Variants in LRRC57 observed in about 807,000 individuals in gnomAD.
LRRC57 encodes the protein leucine-rich repeat-containing protein 57.
LRRC57 carries 14 observed loss-of-function variants against 23.1 expected under a neutral mutation model. The ratio of observed to expected loss-of-function variants is 0.61; its 90% CI spans 0.40 to 0.95. The LOEUF (loss-of-function observed/expected upper bound fraction) is 0.95, where lower values mean the gene tolerates loss of function less well. LRRC57 is among the 40% of genes least tolerant of loss of function. LRRC57 has a pLI of 0.00. For missense variants in LRRC57, 236 were observed against 284.4 expected (o/e 0.83, Z 1.22); for synonymous variants, 106 against 115.2 (o/e 0.92, Z 0.51).
At chr15:42,544,841 A>AATATATATATATATATATATAT (rs767685010) in intron 5 of LRRC57, among the ~76,000 whole-genome samples, 1 of 106,602 alleles carries the variant, frequency 9.4e-6, no homozygotes, top group African/African-American at 5.1e-5. Flanking sequence ...ACACACACAC[A>AATATATATATATATATATATAT]CTATATATAT....
rs1359182028 is a variant in LRRC57, at chr15:42,543,295, G to T, written c.*788C>A. 1 of 151,842 alleles carries T rather than the reference G, an allele frequency of 6.6e-6. No individual in the cohort carries two copies. The highest frequency in any genetic ancestry group is 2.4e-5 in the African/African-American group (1 of 41,268). The allele number at this position is 151,842 out of a possible 1,614,324, so 9.4% of individuals were successfully genotyped here. ...GCTCACTGCAACCTCCACCTCCTGG[G>T]TTCAAGCGATTCTCCTGCCTCAGCC... On this transcript the variant is annotated 3_prime_UTR_variant, in exon 6 of 6. Transcript: ENST00000397130.
rs2057666128 is a variant in LRRC57, at chr15:42,547,538, G to T, written c.224-9C>A. 6.3e-7 allele frequency: 1 copy of T among 1,591,802 alleles called. No individual in the cohort carries two copies. Among genetic ancestry groups the T allele is most frequent in the African/African-American group, 1.4e-5 (1 of 73,716 alleles). The stretch of plus-strand genomic sequence containing the variant: ...CTCATCAGGCAGAACAGCTGGCAAA[G>T]AAAAATTTTTTTAAAACCTGAATGT... On this transcript the variant is annotated splice_polypyrimidine_tract_variant and intron_variant, in intron 3 of 5. Coordinates refer to ENST00000397130, the MANE Select transcript of LRRC57 (RefSeq NM_153260.3).
At chr15:42,531,329 T>C in the LRRC57 span, 1 of 808,176 alleles carries the variant, frequency 1.2e-6, no homozygotes, top group Non-Finnish European at 1.8e-6. Flanking sequence ...ATTTTCTTGG[T>C]GTGTCAGTTA....
chr15:42,528,484 T>A, the LRRC57 span: 1 of 1,505,038 alleles, frequency 6.6e-7, no homozygotes, highest in East Asian at 2.3e-5. Flanking sequence ...AGGAGATGAG[T>A]TTAGCAGTAC....
the LRRC57 span, chr15:42,531,521 T>G: frequency 2.1e-6 from 3 of 1,462,068 alleles, no homozygotes; most frequent in Admixed American, 5.5e-5. Flanking sequence ...CTTCCGTAGC[T>G]CCTCCTTGAA....
In LRRC57 at chr15:42,547,340, A is replaced by G; in HGVS notation, c.413T>C (p.Leu138Pro). The G allele has an allele frequency of 6.2e-7, 1 of 1,614,222 alleles. No individual in the cohort carries two copies. Among genetic ancestry groups the G allele is most frequent in the Non-Finnish European group, 8.5e-7 (1 of 1,180,050 alleles). The stretch of plus-strand genomic sequence containing the variant: ...TATACTTCGAATCTGGTTCTTAGAG[A>G]GATCCATCACATCCAGGTGCCGTAG... ...CSLRHLDVMD[L>P]SKNQIRSIPD... Residue 138 changes from leucine to proline, a missense_variant, in exon 4 of 6, where the codon CTC becomes CCC. Coordinates refer to ENST00000397130, the MANE Select transcript of LRRC57 (RefSeq NM_153260.3).
intron 5 of LRRC57, among the ~76,000 whole-genome samples, chr15:42,544,838 C>CTAT (rs1484623621): frequency 7.3e-5 from 8 of 109,282 alleles, no homozygotes; most frequent in South Asian, 4.7e-4. Flanking sequence ...CACACACACA[C>CTAT]ACACTATATA....
At chr15:42,528,622 G>A in the LRRC57 span, among the ~76,000 whole-genome samples, 2 of 152,264 alleles carry the variant, frequency 1.3e-5, no homozygotes, top group Admixed American at 1.3e-4. Context: ...GTCTTGCTGT[G>A]TTGCCCAGGC....
At position 42,542,607 on chromosome 15, in the gene LRRC57, AT is replaced by A. The variant is rs2057636026; in HGVS notation, c.*1475del. The A allele has an allele frequency of 6.6e-6, 1 of 152,608 alleles. No individual in the cohort carries two copies. Among genetic ancestry groups the A allele is most frequent in the South Asian group, 2.1e-4 (1 of 4,828 alleles). The allele number at this position is 152,608 out of a possible 1,614,324, so 9.5% of individuals were successfully genotyped here. On this transcript the variant is annotated 3_prime_UTR_variant, in exon 6 of 6. Coordinates refer to ENST00000397130, the MANE Select transcript of LRRC57 (RefSeq NM_153260.3). ...TAGGTTGTTTTAAAATATTATAGTA[AT>A]GGTTTATTGATAGGTAATTTGGTTA...
downstream of LRRC57, among the ~76,000 whole-genome samples, chr15:42,537,307 A>G (rs752901262): frequency 4.0e-5 from 6 of 150,120 alleles, no homozygotes; most frequent in Non-Finnish European, 5.9e-5. Flanking sequence ...AAATCTCAAC[A>G]CTGCTAATCA....
chr15:42,528,865 C>T, the LRRC57 span, among the ~76,000 whole-genome samples: 1 of 152,210 alleles, frequency 6.6e-6, no homozygotes. Flanking sequence ...GGATTACAGG[C>T]ATAAGCTACC....
downstream of LRRC57, among the ~76,000 whole-genome samples, chr15:42,533,551 A>G (rs76042825): frequency 9.7e-3 from 1,483 of 152,326 alleles, 17 homozygotes; most frequent in African/African-American, 0.034. Flanking sequence ...CTTTCCTAAA[A>G]CCATTTACCA....
chr15:42,529,546 G>A, the LRRC57 span: 1 of 857,812 alleles, frequency 1.2e-6, no homozygotes, highest in Non-Finnish European at 1.8e-6. Context: ...CCCAGGAATG[G>A]TAACCTATAT....
chr15:42,548,437 T>G lies in LRRC57; in HGVS notation c.-3A>C. ...GCGCGGAGCGCACTGTTTCCCATCC[T>G]AGCGCCGCGGCTCAGGTCCCTGCGG... On this transcript the variant is annotated 5_prime_UTR_variant, in exon 2 of 6. Transcript: ENST00000397130. 1 of 1,613,440 alleles carries G rather than the reference T, an allele frequency of 6.2e-7. No individual in the cohort carries two copies. Among genetic ancestry groups the G allele is most frequent in the Non-Finnish European group, 8.5e-7 (1 of 1,179,966 alleles).
chr15:42,547,153 T>G, intron 4 of LRRC57, 108 bp downstream of exon 4: 1 of 1,248,552 alleles, frequency 8.0e-7, no homozygotes, highest in South Asian at 1.5e-5. Flanking sequence ...ATTTAGCCTC[T>G]GATACTTAGC....
chr15:42,545,645 T>C lies in LRRC57; in HGVS notation c.493-383A>G, dbSNP rs540859285. Among the ~76,000 whole-genome samples, 23 of 152,316 alleles carry C rather than the reference T, an allele frequency of 1.5e-4. No homozygotes were observed. The East Asian group carries it at 4.2e-3, about 28-fold the overall frequency. ...TGGTACATTTACTGCCAATGTTTTA[T>C]GTGTACATAGATACTGACCACTTTA... On this transcript the variant is annotated intron_variant, in intron 4 of 5. Coordinates refer to ENST00000397130, the MANE Select transcript of LRRC57 (RefSeq NM_153260.3).
At position 42,547,262 on chromosome 15, in the gene LRRC57, T is replaced by C. The variant is rs1595540144; in HGVS notation, c.491A>G (p.Gln164Arg). 1 of 1,613,828 alleles carries C rather than the reference T, an allele frequency of 6.2e-7. No homozygotes were observed. The highest frequency in any genetic ancestry group is 2.2e-5 in the East Asian group (1 of 44,880). ...AAAAAAAACCTTAAAGCTCTAGACC[T>C]GATTCTGGTTGAGGTTGAGTTCGAT... ...QVIELNLNQN[Q>R]ISQISVKISC... The change falls in exon 4 of 6, where the codon CAG becomes CGG. Residue 164 changes from glutamine to arginine, a missense_variant and splice_region_variant. Physicochemically the swap from Gln to Arg is conservative, Grantham distance 43 (BLOSUM62 1). Transcript: ENST00000397130.
chr15:42,536,916 G>A (rs902973366), downstream of LRRC57, among the ~76,000 whole-genome samples: 2 of 152,094 alleles, frequency 1.3e-5, no homozygotes, highest in Non-Finnish European at 2.9e-5. Flanking sequence ...CCCTCTTCAA[G>A]TTTCCAGTCT....
downstream of LRRC57, among the ~76,000 whole-genome samples, chr15:42,537,601 C>T (rs1442265870): frequency 6.6e-6 from 1 of 152,104 alleles, no homozygotes; most frequent in African/African-American, 2.4e-5. Flanking sequence ...ATGGTTATTG[C>T]AGCACTATTC....
Sources: allele counts gnomAD v4.1 joint callset (sites outside exome capture counted in the v4.1 genomes callset), GRCh38; gene constraint gnomAD v4.1.1; transcripts MANE v1.5; gene names NCBI Gene and HGNC (gene_info 2026-07-23, HGNC 2026-07-21).